Variants in WIF1 observed in about 807,000 individuals in gnomAD.
WIF1 encodes Wnt inhibitory factor 1.
In WIF1, 35 loss-of-function variants were observed where a neutral mutation model predicts 53.5. The observed-to-expected ratio is 0.65, with a 90% CI of 0.50 to 0.87. The LOEUF (loss-of-function observed/expected upper bound fraction) is 0.87. WIF1 is among the 40% of genes least tolerant of loss of function. The pLI is 0.00. For missense variants in WIF1, 467 were observed against 476.8 expected, an observed-to-expected ratio of 0.98 and a Z score of 0.19; for synonymous variants, 171 against 170.4, an observed-to-expected ratio of 1.00 and a Z score of -0.03.
chr12:65,052,111 C>A (rs1882450172), intron 9 of WIF1, among the ~76,000 whole-genome samples: 1 of 152,200 alleles, frequency 6.6e-6, no homozygotes, highest in Admixed American at 6.5e-5. Context: ...GACCTCCCTT[C>A]TTCCTACTTG....
chr12:65,051,303 A>G lies in WIF1; in HGVS notation c.*46T>C, dbSNP rs778239517. ...ACATTCAACACATGAAAGGTTAACA[A>G]AGGCTATGAACTTGGTGTAACTTAA... On this transcript the variant is annotated 3_prime_UTR_variant, in exon 10 of 10. Transcript: ENST00000286574. The G allele has an allele frequency of 1.3e-6, 2 of 1,582,418 alleles. No individual in the cohort carries two copies. Among genetic ancestry groups the G allele is most frequent in the South Asian group, 2.3e-5 (2 of 86,292 alleles).
At chr12:65,091,741 T>C (rs1332778222) in intron 2 of WIF1, among the ~76,000 whole-genome samples, 1 of 152,192 alleles carries the variant, frequency 6.6e-6, no homozygotes, top group African/African-American at 2.4e-5. Flanking sequence ...TTCTAATTAA[T>C]TAAGAACAAA....
chr12:65,120,722 T>C, intron 1 of WIF1, 166 bp from the exon 2 acceptor site: 1 of 870,634 alleles, frequency 1.1e-6, no homozygotes, highest in South Asian at 1.9e-5. Context: ...TCTCTGTGGA[T>C]GATGAGAATG....
At chr12:65,105,991 C>T (rs975701454) in intron 2 of WIF1, among the ~76,000 whole-genome samples, 1 of 152,294 alleles carries the variant, frequency 6.6e-6, no homozygotes, top group African/African-American at 2.4e-5. Flanking sequence ...CCAGCTTGAC[C>T]CTTGAGTGTT....
intron 2 of WIF1, among the ~76,000 whole-genome samples, chr12:65,089,060 T>C (rs888241232): frequency 1.3e-5 from 2 of 152,082 alleles, no homozygotes; most frequent in Non-Finnish European, 2.9e-5. Flanking sequence ...ACACCTACAT[T>C]TCATTAGCCT....
At chr12:65,114,080 T>C (rs1012602390) in intron 2 of WIF1, among the ~76,000 whole-genome samples, 1 of 152,214 alleles carries the variant, frequency 6.6e-6, no homozygotes, top group Non-Finnish European at 1.5e-5. Flanking sequence ...AGTGTTACCA[T>C]AACTGCAGGG....
At chr12:65,101,291 A>G (rs1352894847) in intron 2 of WIF1, among the ~76,000 whole-genome samples, 1 of 152,234 alleles carries the variant, frequency 6.6e-6, no homozygotes, top group Non-Finnish European at 1.5e-5. Context: ...TCTCAGAGTC[A>G]GTTTCTCAGT....
At chr12:65,057,915 A>T (rs1047430889) in intron 7 of WIF1, among the ~76,000 whole-genome samples, 1 of 152,214 alleles carries the variant, frequency 6.6e-6, no homozygotes, top group Non-Finnish European at 1.5e-5. Flanking sequence ...AGACCAAAGC[A>T]GTATTTAGTC....
chr12:65,062,809 T>C (rs1367602356), intron 6 of WIF1, among the ~76,000 whole-genome samples: 1 of 151,420 alleles, frequency 6.6e-6, no homozygotes, highest in African/African-American at 2.4e-5. Flanking sequence ...CCAGTAGGAG[T>C]TTCCATCTCA....
At chr12:65,120,606 C>T (rs374599647) in intron 1 of WIF1, 50 bp from the exon 2 acceptor site, 2 of 1,570,596 alleles carry the variant, frequency 1.3e-6, no homozygotes, top group Admixed American at 2.0e-5. Flanking sequence ...TTGAAATCAT[C>T]TAAATCAGAA....
chr12:65,096,189 C>A (rs1397059043), intron 2 of WIF1, among the ~76,000 whole-genome samples: 70 of 152,078 alleles, frequency 4.6e-4, no homozygotes, highest in Admixed American at 4.6e-3. Flanking sequence ...ACAACCCCAT[C>A]AAAAAGTGGG....
intron 3 of WIF1, among the ~76,000 whole-genome samples, chr12:65,071,952 C>T (rs987126952): frequency 1.1e-4 from 17 of 152,024 alleles, no homozygotes; most frequent in African/African-American, 3.9e-4. Context: ...TTACACTTTC[C>T]CACTCTTCAA....
At chr12:65,116,580 G>A (rs910438294) in intron 2 of WIF1, among the ~76,000 whole-genome samples, 3 of 151,894 alleles carry the variant, frequency 2.0e-5, no homozygotes, top group Non-Finnish European at 4.4e-5. Flanking sequence ...TAGAAATAAA[G>A]TGCACTATCC....
At chr12:65,076,131 C>T (rs894434479) in intron 3 of WIF1, among the ~76,000 whole-genome samples, 1 of 152,062 alleles carries the variant, frequency 6.6e-6, no homozygotes, top group Admixed American at 6.5e-5. Flanking sequence ...TCCACCTCCC[C>T]AGCTCAAACA....
intron 7 of WIF1, among the ~76,000 whole-genome samples, chr12:65,059,812 T>G (rs1051549778): frequency 2.6e-5 from 4 of 152,040 alleles, no homozygotes; most frequent in Non-Finnish European, 5.9e-5. Flanking sequence ...CCACCATGCC[T>G]GGCTAATTTT....
intron 2 of WIF1, among the ~76,000 whole-genome samples, chr12:65,094,260 C>A (rs1883168299): frequency 6.6e-6 from 1 of 152,162 alleles, no homozygotes; most frequent in Non-Finnish European, 1.5e-5. Flanking sequence ...GCAATTTAAT[C>A]AAAGACAGTA....
At chr12:65,064,897 GTTC>G (rs927889145) in intron 6 of WIF1, among the ~76,000 whole-genome samples, 1 of 152,146 alleles carries the variant, frequency 6.6e-6, no homozygotes, top group African/African-American at 2.4e-5. Context: ...GAATACATGA[GTTC>G]TTCAACTAAA....
rs568076983 is a variant in WIF1 at position 65,050,742 on chromosome 12, T to C, written c.*607A>G. ...TATTGCTTCAAGCCAATGCAAAAAG[T>C]TCATACATTATATTCCCTATTTCAT... On this transcript the variant is annotated 3_prime_UTR_variant, in exon 10 of 10. Transcript: ENST00000286574. 1.9e-4 allele frequency: 35 copies of C among 189,160 alleles called. No individual in the cohort carries two copies. The East Asian group carries it at 2.3e-3, about 12-fold the overall frequency. The allele number at this position is 189,160 out of a possible 1,614,324, so 11.7% of individuals were successfully genotyped here. A position where few individuals can be genotyped will look rare whatever the true frequency, so the allele number is the denominator to read the frequency against.
chr12:65,064,249 G>T (rs1006354330), intron 6 of WIF1, among the ~76,000 whole-genome samples: 4 of 152,158 alleles, frequency 2.6e-5, no homozygotes, highest in Admixed American at 6.5e-5. Context: ...ATTCGGCAAG[G>T]TTGGTTACAT....
Sources: gnomAD v4.1 joint callset for allele counts (sites outside exome capture counted in the v4.1 genomes callset) on GRCh38, gnomAD v4.1.1 for gene constraint, MANE v1.5 for transcripts, NCBI Gene and HGNC (gene_info 2026-07-23, HGNC 2026-07-21) for gene names.